RAB38: variants seen among roughly 807,000 people sequenced by gnomAD.
RAB38 encodes RAB38, member RAS oncogene family.
A neutral mutation model predicts 18.4 loss-of-function variants in RAB38; 15 were observed. The ratio of observed to expected loss-of-function variants is 0.82; its 90% CI spans 0.55 to 1.26. The LOEUF (loss-of-function observed/expected upper bound fraction) is 1.26. RAB38 is among the 50% of genes most tolerant of loss of function. The pLI is 0.00. For synonymous variants in RAB38, 101 were observed against 104.4 expected (o/e 0.97, Z 0.20); for missense variants, 294 against 267.4 (o/e 1.10, Z -0.69).
At chr11:88,104,485 T>C in the RAB38 span, among the ~76,000 whole-genome samples, 1 of 152,110 alleles carries the variant, frequency 6.6e-6, no homozygotes, top group African/African-American at 2.4e-5. Flanking sequence ...CAGCCAGTCT[T>C]GAGTTTGACT....
chr11:87,965,129 G>C, the RAB38 span, among the ~76,000 whole-genome samples: 3 of 152,210 alleles, frequency 2.0e-5, no homozygotes, highest in Non-Finnish European at 4.4e-5. Context: ...AATGTCTCCA[G>C]ACACATCCAA....
chr11:87,916,014 G>A, the RAB38 span, among the ~76,000 whole-genome samples: 1 of 152,212 alleles, frequency 6.6e-6, no homozygotes, highest in South Asian at 2.1e-4. Flanking sequence ...CTTTTGGAAT[G>A]GGAATATTTA....
chr11:88,150,148 T>C (rs1943047281), intron 1 of RAB38, among the ~76,000 whole-genome samples, 193 bp from the exon 2 acceptor site: 1 of 152,208 alleles, frequency 6.6e-6, no homozygotes. Flanking sequence ...AGGGAATTCA[T>C]CCATTTAACA....
chr11:88,151,638 T>G (rs769694569), intron 1 of RAB38, among the ~76,000 whole-genome samples: 1 of 152,232 alleles, frequency 6.6e-6, no homozygotes, highest in Admixed American at 6.5e-5. Flanking sequence ...GGGATGTATC[T>G]AGGAAAATAT....
the RAB38 span, among the ~76,000 whole-genome samples, chr11:88,085,336 T>A: frequency 6.6e-6 from 1 of 151,672 alleles, no homozygotes; most frequent in Non-Finnish European, 1.5e-5. Context: ...CAAGGCAAAA[T>A]TGGGTAAAAA....
the RAB38 span, among the ~76,000 whole-genome samples, chr11:87,836,949 A>C: frequency 6.6e-6 from 1 of 152,214 alleles, no homozygotes; most frequent in South Asian, 2.1e-4. Context: ...GTCAGATCTC[A>C]GTGCCTCACT....
chr11:88,159,534 T>C (rs1323582780), intron 1 of RAB38, among the ~76,000 whole-genome samples: 2 of 151,898 alleles, frequency 1.3e-5, no homozygotes, highest in East Asian at 3.9e-4. Context: ...AAAGTAATAC[T>C]AAGCAAAAAG....
the RAB38 span, among the ~76,000 whole-genome samples, chr11:87,932,298 A>C: frequency 6.6e-6 from 1 of 152,094 alleles, no homozygotes; most frequent in Non-Finnish European, 1.5e-5. Flanking sequence ...AAATTTTTAA[A>C]AAAAGAGAGA....
At chr11:87,959,123 A>C in the RAB38 span, among the ~76,000 whole-genome samples, 2 of 151,490 alleles carry the variant, frequency 1.3e-5, no homozygotes, top group Non-Finnish European at 3.0e-5. Flanking sequence ...CCTTCAGGCT[A>C]TGGGCCCATA....
At chr11:87,961,230 A>C in the RAB38 span, among the ~76,000 whole-genome samples, 2 of 152,272 alleles carry the variant, frequency 1.3e-5, no homozygotes, top group African/African-American at 4.8e-5. Context: ...GTAAAAGCTG[A>C]GGACATTCAG....
the RAB38 span, among the ~76,000 whole-genome samples, chr11:87,901,832 A>G: frequency 1.3e-5 from 2 of 151,598 alleles, no homozygotes; most frequent in South Asian, 2.1e-4. Flanking sequence ...TCATGGTCCA[A>G]TCAAAACTGC....
chr11:87,959,091 G>A, the RAB38 span, among the ~76,000 whole-genome samples: 1 of 152,028 alleles, frequency 6.6e-6, no homozygotes, highest in Non-Finnish European at 1.5e-5. Flanking sequence ...TCATCAAATG[G>A]GCCCTAGGAT....
At chr11:87,907,434 TTAGTTC>T in the RAB38 span, among the ~76,000 whole-genome samples, 1 of 151,676 alleles carries the variant, frequency 6.6e-6, no homozygotes. Context: ...AATCAAGAGA[TTAGTTC>T]TTTGACCCAT....
chr11:87,949,269 T>G, the RAB38 span, among the ~76,000 whole-genome samples: 1 of 152,308 alleles, frequency 6.6e-6, no homozygotes, highest in East Asian at 1.9e-4. Flanking sequence ...ATCTATTTGA[T>G]TCTTCTCTCT....
At chr11:87,876,329 G>C in the RAB38 span, among the ~76,000 whole-genome samples, 1 of 151,464 alleles carries the variant, frequency 6.6e-6, no homozygotes, top group African/African-American at 2.4e-5. Context: ...CTCCTTACCA[G>C]CAATTTTTCT....
At chr11:87,956,896 A>T in the RAB38 span, among the ~76,000 whole-genome samples, 1 of 151,806 alleles carries the variant, frequency 6.6e-6, no homozygotes, top group Non-Finnish European at 1.5e-5. Context: ...GTTTATTATC[A>T]TGAAGTTTCA....
chr11:88,154,038 C>T (rs905162024), intron 1 of RAB38, among the ~76,000 whole-genome samples: 2 of 152,166 alleles, frequency 1.3e-5, no homozygotes, highest in African/African-American at 4.8e-5. Context: ...GAGAGAAGCT[C>T]AGGTATGTGA....
chr11:88,026,223 G>C, the RAB38 span, among the ~76,000 whole-genome samples: 1 of 152,046 alleles, frequency 6.6e-6, no homozygotes, highest in African/African-American at 2.4e-5. Context: ...AAATAGATTA[G>C]TGGTTGCCAG....
At chr11:87,977,779 T>A in the RAB38 span, among the ~76,000 whole-genome samples, 1 of 109,916 alleles carries the variant, frequency 9.1e-6, no homozygotes, top group Admixed American at 1.2e-4. Context: ...AGTTATATAT[T>A]ATATCATAGT....
Sources: gnomAD v4.1 joint callset for allele counts (sites outside exome capture counted in the v4.1 genomes callset) on GRCh38, gnomAD v4.1.1 for gene constraint, MANE v1.5 for transcripts, NCBI Gene and HGNC (gene_info 2026-07-23, HGNC 2026-07-21) for gene names.